Variants in RUBCN observed in about 807,000 individuals in gnomAD.
RUBCN encodes rubicon autophagy regulator.
RUBCN carries 74 observed loss-of-function variants against 113.2 expected under a neutral mutation model. The ratio of observed to expected loss-of-function variants is 0.65; its 90% CI spans 0.54 to 0.79. RUBCN has a LOEUF of 0.79. Among genes scored for constraint, RUBCN ranks in the 30% least tolerant of loss-of-function variants. The pLI, the probability that RUBCN is intolerant of heterozygous loss-of-function variation, is 0.00. For synonymous variants in RUBCN, 480 were observed against 490.0 expected, an observed-to-expected ratio of 0.98 and a Z score of 0.27; for missense variants, 1,109 against 1,251.7, an observed-to-expected ratio of 0.89 and a Z score of 1.72.
chr3:197,676,082 A>G, intron 18 of RUBCN: 3 of 577,204 alleles, frequency 5.2e-6, no homozygotes, highest in Non-Finnish European at 6.6e-6. Flanking sequence ...AGATGACGAC[A>G]ATAACGACGT....
chr3:197,749,295 T>A, exon 1 of RUBCN: 1 of 1,102,334 alleles, frequency 9.1e-7, no homozygotes, highest in Non-Finnish European at 1.1e-6. Flanking sequence ...TGAGGTCTTA[T>A]TAGGGTAGTG....
intron 1 of RUBCN, among the ~76,000 whole-genome samples, chr3:197,745,155 C>G (rs994150414): frequency 1.3e-5 from 2 of 151,700 alleles, no homozygotes; most frequent in African/African-American, 4.8e-5. Context: ...CGTGGTGGCA[C>G]GCACCTGTAG....
chr3:197,676,221 G>A (rs900126563), intron 18 of RUBCN: 2 of 990,560 alleles, frequency 2.0e-6, no homozygotes, highest in Non-Finnish European at 2.4e-6. Context: ...GCCTCAGAGG[G>A]GACAAAGTAT....
rs540336435 is a variant in RUBCN at position 197,715,470 on chromosome 3, T to C, written c.219+2507A>G. Among the ~76,000 whole-genome samples the C allele has an allele frequency of 8.5e-5, 13 of 152,266 alleles. No homozygotes were observed. In the East Asian group the frequency reaches 2.5e-3, roughly 29 times the overall value. ...AAATAGTTCTCGGATTGTCCTAGGATGCTAGGAGGAAAATTTAATGAGTCA... is the reference window on the plus strand; with the variant it reads ...AAATAGTTCTCGGATTGTCCTAGGACGCTAGGAGGAAAATTTAATGAGTCA... On this transcript the variant is annotated intron_variant, in intron 2 of 19. Coordinates refer to ENST00000296343, the MANE Select transcript of RUBCN (RefSeq NM_014687.4).
At chr3:197,728,616 TCAAA>T (rs1418984130) in intron 1 of RUBCN, among the ~76,000 whole-genome samples, 5 of 152,220 alleles carry the variant, frequency 3.3e-5, no homozygotes, top group African/African-American at 9.6e-5. Flanking sequence ...TCTTCATTCC[TCAAA>T]CAAATATTCA....
intron 1 of RUBCN, among the ~76,000 whole-genome samples, chr3:197,720,783 C>T (rs6796856): frequency 0.11 from 17,144 of 152,084 alleles, 1,183 homozygotes; most frequent in African/African-American, 0.18. Flanking sequence ...GTGCAGGTAT[C>T]GCTTTGATAC....
intron 2 of RUBCN, among the ~76,000 whole-genome samples, chr3:197,708,437 A>G (rs1441372033): frequency 6.6e-6 from 1 of 152,040 alleles, no homozygotes; most frequent in East Asian, 1.9e-4. Context: ...CACCCGGCCT[A>G]TATGTAAACA....
At chr3:197,704,122 C>A (rs780184119) in intron 4 of RUBCN, among the ~76,000 whole-genome samples, 1 of 152,128 alleles carries the variant, frequency 6.6e-6, no homozygotes, top group Non-Finnish European at 1.5e-5. Flanking sequence ...TGAGTAGAAT[C>A]CCTATGGCAT....
At chr3:197,705,418 T>C (rs1466929566) in intron 2 of RUBCN, among the ~76,000 whole-genome samples, 3 of 151,784 alleles carry the variant, frequency 2.0e-5, no homozygotes, top group African/African-American at 7.3e-5. Flanking sequence ...AATTTAAAGC[T>C]TACCCCGAGT....
chr3:197,722,230 C>G (rs527273027), intron 1 of RUBCN, among the ~76,000 whole-genome samples: 37 of 150,978 alleles, frequency 2.5e-4, no homozygotes, highest in Admixed American at 1.2e-3. Flanking sequence ...AGAGTGAGAC[C>G]CCATTTCAAA....
In RUBCN at chr3:197,727,975, C is replaced by T. The variant is rs139699808; in HGVS notation, c.65+8680G>A. 5.9e-5 allele frequency among the ~76,000 whole-genome samples: 9 copies of T among 151,330 alleles called. No homozygotes were observed. In the East Asian group the frequency reaches 1.6e-3, roughly 26 times the overall value. On this transcript the variant is annotated intron_variant, in intron 1 of 19. Transcript: ENST00000296343. ...GTAGATGATTTAAAGGTAAAAGGCA[C>T]GCTGGGCACAGCGGTACATGCCTGT... is the stretch of plus-strand genomic sequence containing the variant.
At chr3:197,731,753 AC>A (rs994286572) in intron 1 of RUBCN, among the ~76,000 whole-genome samples, 4 of 141,220 alleles carry the variant, frequency 2.8e-5, no homozygotes, top group Non-Finnish European at 4.6e-5. Flanking sequence ...CGGGGGGCTG[AC>A]CCCCCCACCT....
In RUBCN at chr3:197,683,105, C is replaced by T. The variant is rs1721435775; in HGVS notation, c.1980+202G>A. On this transcript the variant is annotated intron_variant, in intron 13 of 19. Coordinates refer to ENST00000296343, the MANE Select transcript of RUBCN (RefSeq NM_014687.4). This position sits in a 1 kb window ranked among gnomAD's most constrained non-coding sequence, Gnocchi z 4.6. ...CGAGCAGTCACGTGAATAAGGACCGCGAACGCGCCGTCATCTCTGCTCTGA... is the reference window on the plus strand; with the variant it reads ...CGAGCAGTCACGTGAATAAGGACCGTGAACGCGCCGTCATCTCTGCTCTGA... 6.6e-6 allele frequency among the ~76,000 whole-genome samples: 1 copy of T among 152,228 alleles called. No individual in the cohort carries two copies. The highest frequency in any genetic ancestry group is 1.5e-5 in the Non-Finnish European group (1 of 68,046).
intron 1 of RUBCN, among the ~76,000 whole-genome samples, 164 bp from the exon 2 acceptor site, chr3:197,718,294 G>T (rs1725772678): frequency 6.6e-6 from 1 of 152,150 alleles, no homozygotes; most frequent in South Asian, 2.1e-4. Flanking sequence ...GAGAATTAAA[G>T]TTGTGAACAA....
chr3:197,701,566 T>C (rs1723672383), intron 6 of RUBCN, 142 bp downstream of exon 6: 1 of 720,082 alleles, frequency 1.4e-6, no homozygotes, highest in African/African-American at 1.8e-5. Context: ...AGCTAGTCAC[T>C]ATATAACTTG....
At chr3:197,743,966 AGAGT>A (rs1346449835) in intron 1 of RUBCN, among the ~76,000 whole-genome samples, 1 of 152,116 alleles carries the variant, frequency 6.6e-6, no homozygotes, top group Non-Finnish European at 1.5e-5. Flanking sequence ...CCTGGGTGAC[AGAGT>A]GAGACTCTGT....
At chr3:197,743,956 C>G (rs1728633327) in intron 1 of RUBCN, among the ~76,000 whole-genome samples, 1 of 151,784 alleles carries the variant, frequency 6.6e-6, no homozygotes, top group East Asian at 1.9e-4. Flanking sequence ...TGGACTCCAG[C>G]CTGGGTGACA....
rs1721450711 is a variant in RUBCN, at chr3:197,683,204, GGA to G, written c.1980+101_1980+102del. On this transcript the variant is annotated intron_variant, in intron 13 of 19. Transcript: ENST00000296343. The surrounding 1 kb of genome is among the most constrained non-coding windows in gnomAD (Gnocchi z 4.6). ...ATGAATGGCTTCCACGAGTAAGGGG[GGA>G]ACACCCAGGCTCATTCCAGACTAGG... The G allele has an allele frequency of 1.4e-6, 2 of 1,404,770 alleles. No homozygotes were observed. The highest frequency in any genetic ancestry group is 2.0e-6 in the Non-Finnish European group (2 of 989,608). 87.0% of individuals were successfully genotyped at this position (1,404,770 alleles called of 1,614,324 possible). A position where few individuals can be genotyped will look rare whatever the true frequency, so the allele number is the denominator to read the frequency against.
chr3:197,703,089 C>T (rs994870842), intron 5 of RUBCN, among the ~76,000 whole-genome samples: 1 of 151,998 alleles, frequency 6.6e-6, no homozygotes, highest in African/African-American at 2.4e-5. Flanking sequence ...CAGTACCTCC[C>T]CTCCTCCAAG....
Sources: gnomAD v4.1 joint callset for allele counts (sites outside exome capture counted in the v4.1 genomes callset) on GRCh38, gnomAD v4.1.1 for gene constraint, Gnocchi (gnomAD v3.1) non-coding constraint, MANE v1.5 for transcripts, NCBI Gene and HGNC (gene_info 2026-07-23, HGNC 2026-07-21) for gene names.